Variants in MARCHF1 observed in about 807,000 individuals in gnomAD.
MARCHF1 encodes the protein E3 ubiquitin-protein ligase MARCHF1.
A neutral mutation model predicts 54.2 loss-of-function variants in MARCHF1; 40 were observed. The observed-to-expected ratio is 0.74, with a 90% confidence interval of 0.57 to 0.96. The LOEUF is 0.96. MARCHF1 is among the 40% of genes least tolerant of loss of function. MARCHF1 has a pLI of 0.00. For missense variants in MARCHF1, 586 were observed against 656.5 expected (o/e 0.89, Z 1.17); for synonymous variants, 236 against 236.3 (o/e 1.00, Z 0.01).
intron 2 of MARCHF1, among the ~76,000 whole-genome samples, chr4:164,070,038 C>T (rs1754829365): frequency 6.6e-6 from 1 of 152,086 alleles, no homozygotes; most frequent in Admixed American, 6.5e-5. Context: ...ACTGCATGTT[C>T]TAATTTTTAA....
In MARCHF1 at chr4:164,020,748, C is replaced by A. The variant is rs149031750; in HGVS notation, c.-247-32039G>T. 8.0e-3 allele frequency among the ~76,000 whole-genome samples: 1,220 copies of A among 152,168 alleles called. 13 individuals carry two copies. Among genetic ancestry groups the A allele is most frequent in the African/African-American group, 0.028 (1,165 of 41,504 alleles). ...GAGTTTGAGAACAGCCCAGGCAACA[C>A]GGAGAAACCCCATCTCTACAAAAAA... On this transcript the variant is annotated intron_variant, in intron 2 of 9. Transcript: ENST00000514618.
At chr4:163,959,615 CAGA>C (rs1752304957) in intron 3 of MARCHF1, among the ~76,000 whole-genome samples, 1 of 151,868 alleles carries the variant, frequency 6.6e-6, no homozygotes, top group African/African-American at 2.4e-5. Context: ...TAGCCATGCA[CAGA>C]AGATTGAAAC....
chr4:163,970,965 AC>A (rs762302754), intron 3 of MARCHF1, among the ~76,000 whole-genome samples: 4 of 152,200 alleles, frequency 2.6e-5, no homozygotes, highest in Non-Finnish European at 5.9e-5. Flanking sequence ...TAGGCACAAT[AC>A]CCCCGGTAAT....
chr4:164,136,264 T>C (rs1157862911), intron 1 of MARCHF1, among the ~76,000 whole-genome samples: 9 of 110,294 alleles, frequency 8.2e-5, no homozygotes, highest in Non-Finnish European at 1.5e-4. Flanking sequence ...CAGCAAACAG[T>C]TGAAGTGGAA....
At chr4:164,043,473 A>T (rs1459874110) in intron 2 of MARCHF1, among the ~76,000 whole-genome samples, 1 of 152,130 alleles carries the variant, frequency 6.6e-6, no homozygotes, top group Non-Finnish European at 1.5e-5. Flanking sequence ...CAAAGCAGGA[A>T]AACATGTCCT....
intron 8 of MARCHF1, among the ~76,000 whole-genome samples, chr4:163,561,482 C>A (rs1160359773): frequency 6.6e-6 from 1 of 152,094 alleles, no homozygotes; most frequent in Non-Finnish European, 1.5e-5. Flanking sequence ...TTCTGAAATA[C>A]ATCTATCACA....
intron 1 of MARCHF1, among the ~76,000 whole-genome samples, chr4:164,198,488 A>T (rs1403628190): frequency 6.6e-6 from 1 of 152,232 alleles, no homozygotes; most frequent in East Asian, 1.9e-4. Flanking sequence ...TTACACAAGG[A>T]TCATGAGATG....
intron 1 of MARCHF1, among the ~76,000 whole-genome samples, chr4:164,224,416 CCT>C (rs951882293): frequency 2.6e-5 from 4 of 151,782 alleles, no homozygotes; most frequent in Non-Finnish European, 5.9e-5. Context: ...AGATTTCTTA[CCT>C]CTCTTGCTAT....
intron 2 of MARCHF1, among the ~76,000 whole-genome samples, chr4:164,111,214 C>T (rs569587187): frequency 9.9e-5 from 15 of 151,748 alleles, no homozygotes; most frequent in African/African-American, 3.4e-4. Context: ...CTTCATAAAG[C>T]CAGTTTCCAC....
At chr4:163,959,174 G>T (rs989564477) in intron 3 of MARCHF1, among the ~76,000 whole-genome samples, 35 of 151,834 alleles carry the variant, frequency 2.3e-4, no homozygotes, top group African/African-American at 8.5e-4. Flanking sequence ...TCAGAATTGT[G>T]AGCAAATACA....
At chr4:163,985,792 T>C (rs1348921492) in intron 3 of MARCHF1, among the ~76,000 whole-genome samples, 1 of 152,204 alleles carries the variant, frequency 6.6e-6, no homozygotes, top group East Asian at 1.9e-4. Context: ...CTAATGCACA[T>C]AGGCATGCTT....
chr4:164,205,374 G>A (rs542118620), intron 1 of MARCHF1, among the ~76,000 whole-genome samples: 2 of 152,048 alleles, frequency 1.3e-5, no homozygotes, highest in Non-Finnish European at 1.5e-5. Context: ...CTAAAATAAG[G>A]CTTATGTAGG....
At chr4:163,545,200 C>T (rs1377514982) in intron 9 of MARCHF1, among the ~76,000 whole-genome samples, 1 of 152,208 alleles carries the variant, frequency 6.6e-6, no homozygotes, top group Non-Finnish European at 1.5e-5. Flanking sequence ...GGAATGCCAT[C>T]TCCTTCATGC....
intron 3 of MARCHF1, among the ~76,000 whole-genome samples, chr4:163,879,196 T>C (rs774174008): frequency 2.6e-5 from 4 of 152,090 alleles, no homozygotes; most frequent in African/African-American, 7.2e-5. Flanking sequence ...GTCCTAGAGA[T>C]TGCCTATTGA....
chr4:164,236,417 T>TA (rs1457465285), intron 1 of MARCHF1, among the ~76,000 whole-genome samples: 1 of 152,096 alleles, frequency 6.6e-6, no homozygotes, highest in Non-Finnish European at 1.5e-5. Flanking sequence ...GCAAGACACA[T>TA]AGCAGCCTTC....
At chr4:164,088,808 T>C (rs1367670130) in intron 2 of MARCHF1, among the ~76,000 whole-genome samples, 2 of 152,094 alleles carry the variant, frequency 1.3e-5, no homozygotes, top group Non-Finnish European at 2.9e-5. Flanking sequence ...GACAACTTAA[T>C]AAGATAATCA....
intron 3 of MARCHF1, among the ~76,000 whole-genome samples, chr4:163,944,133 A>ATTTTTTTT (rs5863642): frequency 2.8e-4 from 31 of 110,076 alleles, no homozygotes; most frequent in African/African-American, 4.8e-4. Context: ...CACCGGGCTA[A>ATTTTTTTT]TTTTTTTTTT....
At chr4:163,702,542 A>G (rs951119714) in intron 4 of MARCHF1, among the ~76,000 whole-genome samples, 1 of 152,194 alleles carries the variant, frequency 6.6e-6, no homozygotes, top group Admixed American at 6.6e-5. Context: ...ATCACGCAAA[A>G]TAAGAAATTT....
intron 1 of MARCHF1, among the ~76,000 whole-genome samples, chr4:164,302,005 G>A (rs1249977322): frequency 3.3e-5 from 5 of 152,214 alleles, no homozygotes; most frequent in Admixed American, 2.0e-4. Context: ...TAGTCCAGGA[G>A]AGGAGTATGG....
Sources: gnomAD v4.1 joint callset for allele counts (sites outside exome capture counted in the v4.1 genomes callset) on GRCh38, gnomAD v4.1.1 for gene constraint, MANE v1.5 for transcripts, NCBI Gene and HGNC (gene_info 2026-07-23, HGNC 2026-07-21) for gene names.